Variants in C13orf46 observed in about 807,000 individuals in gnomAD.
The protein encoded by C13orf46 is chromosome 13 open reading frame 46.
At chr13:113,930,328 A>G in the C13orf46 span, among the ~76,000 whole-genome samples, 1 of 151,976 alleles carries the variant, frequency 6.6e-6, no homozygotes. Flanking sequence ...TGGAAGGAGC[A>G]CCGGGGTGGG....
At chr13:113,927,650 T>G in the C13orf46 span, 3 of 398,500 alleles carry the variant, frequency 7.5e-6, no homozygotes, top group Non-Finnish European at 1.3e-5. Context: ...CCTGCTCCAA[T>G]AAGACCAAGA....
At chr13:113,949,579 T>C (rs1011481504), downstream of C13orf46, among the ~76,000 whole-genome samples, 591 of 152,310 alleles carry the variant, frequency 3.9e-3, 9 homozygotes, top group East Asian at 0.048. Context: ...AAGCAGGGCA[T>C]AGATTTACAA....
At chr13:113,960,598 C>T (rs2052579509) in intron 6 of C13orf46, among the ~76,000 whole-genome samples, 2 of 152,214 alleles carry the variant, frequency 1.3e-5, no homozygotes, top group South Asian at 2.1e-4. Flanking sequence ...GTTTAAGCAA[C>T]GTTTTCCTTA....
chr13:113,948,484 G>A, the C13orf46 span, among the ~76,000 whole-genome samples: 6 of 152,230 alleles, frequency 3.9e-5, no homozygotes, highest in Non-Finnish European at 8.8e-5. Flanking sequence ...TGAGCACACC[G>A]AAGCCCACTG....
At chr13:113,967,909 G>C (rs1483873212) in intron 4 of C13orf46, among the ~76,000 whole-genome samples, 2 of 152,210 alleles carry the variant, frequency 1.3e-5, no homozygotes, top group Non-Finnish European at 2.9e-5. Context: ...CTCCAACGGG[G>C]CACCTGGGCC....
At chr13:113,952,279 C>T (rs1042188311), downstream of C13orf46, among the ~76,000 whole-genome samples, 16 of 145,920 alleles carry the variant, frequency 1.1e-4, no homozygotes, top group East Asian at 9.7e-4. Context: ...GTGTGGCCGC[C>T]GCTCCCGCCT....
At chr13:113,949,738 G>A (rs1296315774), downstream of C13orf46, among the ~76,000 whole-genome samples, 1 of 152,142 alleles carries the variant, frequency 6.6e-6, no homozygotes, top group East Asian at 1.9e-4. Context: ...CCCACAGAGG[G>A]ACCTCGGTGC....
At chr13:113,957,199 C>G (rs1449434862) in intron 6 of C13orf46, among the ~76,000 whole-genome samples, 11 of 150,600 alleles carry the variant, frequency 7.3e-5, no homozygotes, top group Admixed American at 7.2e-4. Context: ...GGGGGTCTCC[C>G]CTGCACTCTG....
chr13:113,968,772 G>A lies in C13orf46; in HGVS notation c.243-12C>T, dbSNP rs2052675248. The A allele has an allele frequency of 6.6e-6, 1 of 152,358 alleles. No individual in the cohort carries two copies. Among genetic ancestry groups the A allele is most frequent in the African/African-American group, 2.4e-5 (1 of 41,464 alleles). 9.4% of individuals were successfully genotyped at this position (152,358 alleles called of 1,614,324 possible). A position where few individuals can be genotyped will look rare whatever the true frequency, so the allele number is the denominator to read the frequency against. Reference sequence around the variant, plus strand: ...CTAGGTTTTTCTGACTGCGGGAGGAGCAGGGAAAGTGGTTTGGAAGAGACG... The same window carrying A: ...CTAGGTTTTTCTGACTGCGGGAGGAACAGGGAAAGTGGTTTGGAAGAGACG... On this transcript the variant is annotated splice_polypyrimidine_tract_variant and intron_variant, in intron 2 of 6. Transcript: ENST00000636427.
chr13:113,971,065 C>T (rs1450605746), intron 1 of C13orf46, among the ~76,000 whole-genome samples: 1 of 152,228 alleles, frequency 6.6e-6, no homozygotes, highest in Admixed American at 6.5e-5. Flanking sequence ...GAGGATTCTC[C>T]AAGCCCTAGG....
intron 1 of C13orf46, among the ~76,000 whole-genome samples, chr13:113,970,591 G>A (rs2052693545): frequency 6.6e-6 from 1 of 152,152 alleles, no homozygotes; most frequent in Non-Finnish European, 1.5e-5. Flanking sequence ...AGGTAGCTGA[G>A]CGGGAGGGTG....
chr13:113,953,017 C>T (rs985870346), downstream of C13orf46, among the ~76,000 whole-genome samples: 1,681 of 152,342 alleles, frequency 0.011, 16 homozygotes, highest in Middle Eastern at 0.061. Context: ...AGCCCAGCCT[C>T]GTCCCCTCCA....
chr13:113,939,357 T>C, the C13orf46 span, among the ~76,000 whole-genome samples: 4 of 147,266 alleles, frequency 2.7e-5, no homozygotes, highest in Non-Finnish European at 5.9e-5. Context: ...GACCACCCGA[T>C]GGGGAGGATG....
intron 6 of C13orf46, among the ~76,000 whole-genome samples, chr13:113,959,309 T>C (rs933986978): frequency 0.011 from 1,750 of 152,190 alleles, 25 homozygotes; most frequent in African/African-American, 0.041. Flanking sequence ...GAAATGGATG[T>C]GTGAGGCTGA....
chr13:113,949,539 G>A (rs2052481138), downstream of C13orf46, among the ~76,000 whole-genome samples: 1 of 152,226 alleles, frequency 6.6e-6, no homozygotes, highest in South Asian at 2.1e-4. Context: ...ACAGGTCCAG[G>A]AGTGCTCTCC....
rs2052500666 is a variant in C13orf46, at chr13:113,953,955, C to CT, written c.*2817dup. The CT allele has an allele frequency of 6.6e-6, 1 of 152,362 alleles. No homozygotes were observed. The highest frequency in any genetic ancestry group is 1.9e-4 in the East Asian group (1 of 5,196). 9.4% of individuals were successfully genotyped at this position (152,362 alleles called of 1,614,324 possible). A position where few individuals can be genotyped will look rare whatever the true frequency, so the allele number is the denominator to read the frequency against. Reference sequence around the variant, plus strand: ...ATGATGACTCTGGGGCCGATGGGCACTTATCTTCTGTGGTGTCTTTCAGTC... The same window carrying CT: ...ATGATGACTCTGGGGCCGATGGGCACTTTATCTTCTGTGGTGTCTTTCAGTC... On this transcript the variant is annotated 3_prime_UTR_variant, in exon 7 of 7. Transcript: ENST00000636427.
At position 113,955,787 on chromosome 13, in the gene C13orf46, C is replaced by CAGAGACGAGGAGCAGCCGGT. The variant is rs2052524551; in HGVS notation, c.*985_*986insACCGGCTGCTCCTCGTCTCT. ...TCCGGCGGAGACGAGGAGCAGCCGG[C>CAGAGACGAGGAGCAGCCGGT]GGAGACGAGGAGCAGCCGGCGGAGA... On this transcript the variant is annotated 3_prime_UTR_variant, in exon 7 of 7. Transcript: ENST00000636427. 1.4e-5 allele frequency: 2 copies of CAGAGACGAGGAGCAGCCGGT among 139,994 alleles called. No homozygotes were observed. Among genetic ancestry groups the CAGAGACGAGGAGCAGCCGGT allele is most frequent in the African/African-American group, 6.0e-5 (2 of 33,598 alleles). The allele number at this position is 139,994 out of a possible 1,614,324, so 8.7% of individuals were successfully genotyped here.
At chr13:113,938,716 C>T in the C13orf46 span, among the ~76,000 whole-genome samples, 1 of 152,204 alleles carries the variant, frequency 6.6e-6, no homozygotes, top group African/African-American at 2.4e-5. Context: ...TCGCTCCCTT[C>T]CACACGTCCG....
At chr13:113,973,124 GTGTCAGACAAACC>G (rs1359982285) in intron 1 of C13orf46, among the ~76,000 whole-genome samples, 3 of 152,240 alleles carry the variant, frequency 2.0e-5, no homozygotes, top group African/African-American at 7.2e-5. Context: ...GGCTGGGAAT[GTGTCAGACAAACC>G]TGCCTCCCAT....
Sources: gnomAD v4.1 joint callset for allele counts (sites outside exome capture counted in the v4.1 genomes callset) on GRCh38, gnomAD v4.1.1 for gene constraint, MANE v1.5 for transcripts, NCBI Gene and HGNC (gene_info 2026-07-23, HGNC 2026-07-21) for gene names.